The following GNB1L variants were observed in gnomAD, a reference collection of about 807,000 sequenced individuals.
The protein encoded by GNB1L is guanine nucleotide-binding protein subunit beta-like protein 1.
Under a neutral mutation model 29.1 loss-of-function variants are expected in GNB1L, and 20 were observed. The ratio of observed to expected loss-of-function variants is 0.69; its 90% CI spans 0.48 to 1.00. GNB1L has a LOEUF of 1.00. GNB1L is among the 50% of genes least tolerant of loss of function. The probability of loss-of-function intolerance (pLI) is 0.00; values close to 1 mark genes in which losing one functional copy is unlikely to be tolerated. For synonymous variants in GNB1L, 193 were observed against 206.5 expected (o/e 0.93, Z 0.56); for missense variants, 421 against 464.9 (o/e 0.91, Z 0.87).
intron 2 of GNB1L, among the ~76,000 whole-genome samples, chr22:19,838,067 G>A (rs981253608): frequency 2.6e-5 from 4 of 152,228 alleles, no homozygotes; most frequent in African/African-American, 7.2e-5. Flanking sequence ...CACAGACGCC[G>A]CACTTGTCAA....
At chr22:19,853,983 T>A (rs1601361431) in intron 2 of GNB1L, among the ~76,000 whole-genome samples, 1 of 152,140 alleles carries the variant, frequency 6.6e-6, no homozygotes, top group African/African-American at 2.4e-5. Flanking sequence ...TCCCCTACCC[T>A]GCCCACTCAC....
chr22:19,785,175 C>G lies in GNB1L; in HGVS notation c.*3534G>C, dbSNP rs935085919. 5 of 151,972 alleles carry G rather than the reference C, an allele frequency of 3.3e-5. No individual in the cohort carries two copies. Among genetic ancestry groups the G allele is most frequent in the African/African-American group, 9.7e-5 (4 of 41,332 alleles). The allele number at this position is 151,972 out of a possible 1,614,324, so 9.4% of individuals were successfully genotyped here. A position where few individuals can be genotyped will look rare whatever the true frequency, so the allele number is the denominator to read the frequency against. ...TTTGGGAGGCTAGAGGCGGGAGGAT[C>G]GATCGCTTGAGCCCAGGAGTTCGAA... On this transcript the variant is annotated 3_prime_UTR_variant, in exon 8 of 8. Transcript: ENST00000329517. The surrounding 1 kb of genome is among the most constrained non-coding windows in gnomAD (Gnocchi z 4.1).
At chr22:19,848,128 T>C in intron 2 of GNB1L, 1 of 984,468 alleles carries the variant, frequency 1.0e-6, no homozygotes, top group Non-Finnish European at 1.2e-6. Context: ...TTATCCTTAG[T>C]ACTTCCTATT....
At chr22:19,835,270 T>C (rs1173707062) in intron 2 of GNB1L, among the ~76,000 whole-genome samples, 1 of 151,660 alleles carries the variant, frequency 6.6e-6, no homozygotes, top group African/African-American at 2.4e-5. Flanking sequence ...TTGACATTTA[T>C]AGAACATGCC....
intron 7 of GNB1L, among the ~76,000 whole-genome samples, chr22:19,793,667 A>C (rs913229331): frequency 1.2e-4 from 18 of 152,238 alleles, no homozygotes; most frequent in African/African-American, 4.1e-4. Context: ...TCTTGAAAGC[A>C]GCCACGGAGC....
At chr22:19,823,731 GCA>G (rs1289177170) in intron 2 of GNB1L, among the ~76,000 whole-genome samples, 2 of 152,072 alleles carry the variant, frequency 1.3e-5, no homozygotes, top group Non-Finnish European at 2.9e-5. Context: ...TGCACATGGT[GCA>G]CACAGACACA....
chr22:19,840,564 C>T (rs1342871955), intron 2 of GNB1L, among the ~76,000 whole-genome samples: 1 of 152,132 alleles, frequency 6.6e-6, no homozygotes, highest in Non-Finnish European at 1.5e-5. Context: ...AATCCCAGCA[C>T]TTTGGGAGGT....
chr22:19,813,807 CA>C (rs1449804886), intron 4 of GNB1L, among the ~76,000 whole-genome samples: 2 of 152,108 alleles, frequency 1.3e-5, no homozygotes, highest in Admixed American at 6.5e-5. Flanking sequence ...TCAGCCTGGG[CA>C]AAATAGTGAG....
At chr22:19,851,093 G>A in intron 2 of GNB1L, 2 of 1,490,848 alleles carry the variant, frequency 1.3e-6, no homozygotes, top group Non-Finnish European at 1.8e-6. Flanking sequence ...TGCTCTGACT[G>A]GGGACTATGG....
Position 19,840,488 on chromosome 22 carries a change from T to C in GNB1L, c.-21+13955A>G, listed in dbSNP as rs142777705. Among the ~76,000 whole-genome samples the C allele has an allele frequency of 1.7e-3, 265 of 152,348 alleles. 2 individuals carry two copies. Among genetic ancestry groups the C allele is most frequent in the Non-Finnish European group, 3.5e-3 (241 of 68,022 alleles). ...CAGCATCAGCAGGGCTAGGTCATGC[T>C]GACCACACGTCCCACTGACATGATA... On this transcript the variant is annotated intron_variant, in intron 2 of 7. Transcript: ENST00000329517.
In GNB1L at chr22:19,820,605, G is replaced by T. The variant is rs1354744442; in HGVS notation, c.247C>A (p.Leu83Ile). 6.2e-7 allele frequency: 1 copy of T among 1,612,190 alleles called. No homozygotes were observed. Among genetic ancestry groups the T allele is most frequent in the African/African-American group, 1.3e-5 (1 of 74,902 alleles). Residue 83 changes from leucine (L) to isoleucine (I), a missense_variant, in exon 4 of 8, where the codon CTC (leucine) becomes ATC (isoleucine). Transcript: ENST00000329517. ...TGCACCTTGGAGACCCACCTGAGGA[G>T]CTGGCGCCCCTGGGGCAGCGTCTGC... ...WLQTLPQGRQ[L>I]LSQGRDLKLC...
chr22:19,833,845 G>A (rs377397632), intron 2 of GNB1L, among the ~76,000 whole-genome samples: 17 of 151,482 alleles, frequency 1.1e-4, no homozygotes, highest in Admixed American at 2.0e-4. Flanking sequence ...CAGCCGGGGC[G>A]ACAAAGTGAG....
At chr22:19,794,595 A>G (rs1255784663) in intron 7 of GNB1L, among the ~76,000 whole-genome samples, 1 of 152,234 alleles carries the variant, frequency 6.6e-6, no homozygotes, top group East Asian at 1.9e-4. Context: ...CAAGTAGAAA[A>G]TAAGTATAGA....
At position 19,786,718 on chromosome 22, in the gene GNB1L, G is replaced by A. The variant is rs1444354658; in HGVS notation, c.*1991C>T. ...TCCACCTACCCTGCCGCTGTCATGG[G>A]GATGTCAGAACCTGACACCTTCCCT... On this transcript the variant is annotated 3_prime_UTR_variant, in exon 8 of 8. Transcript: ENST00000329517. 6.6e-6 allele frequency: 1 copy of A among 152,198 alleles called. No homozygotes were observed. The highest frequency in any genetic ancestry group is 2.4e-5 in the African/African-American group (1 of 41,410). 9.4% of individuals were successfully genotyped at this position (152,198 alleles called of 1,614,324 possible).
intron 4 of GNB1L, among the ~76,000 whole-genome samples, chr22:19,818,365 G>C (rs1008005881): frequency 2.0e-5 from 3 of 152,234 alleles, no homozygotes; most frequent in African/African-American, 7.2e-5. Flanking sequence ...ACATGGCCTG[G>C]TGGGGTTCTA....
rs1937206213 is a variant in GNB1L, at chr22:19,787,985, A to G, written c.*724T>C. 6.5e-6 allele frequency: 1 copy of G among 154,054 alleles called. No homozygotes were observed. Among genetic ancestry groups the G allele is most frequent in the South Asian group, 2.0e-4 (1 of 4,900 alleles). The allele number at this position is 154,054 out of a possible 1,614,324, so 9.5% of individuals were successfully genotyped here. On this transcript the variant is annotated 3_prime_UTR_variant, in exon 8 of 8. Coordinates refer to ENST00000329517, the MANE Select transcript of GNB1L (RefSeq NM_053004.3). ...CTTGCTGCTCTCGTGCCTTCTGCCCAGCACTCACCTGGAGGTGCACCCTGT... is the reference window on the plus strand; with the variant it reads ...CTTGCTGCTCTCGTGCCTTCTGCCCGGCACTCACCTGGAGGTGCACCCTGT...
At chr22:19,843,234 CG>C (rs1937892032) in intron 2 of GNB1L, among the ~76,000 whole-genome samples, 1 of 152,254 alleles carries the variant, frequency 6.6e-6, no homozygotes, top group Non-Finnish European at 1.5e-5. Context: ...GCCTCCCATT[CG>C]GTTATTAAAT....
At chr22:19,851,056 G>A in intron 2 of GNB1L, 1 of 1,458,750 alleles carries the variant, frequency 6.9e-7, no homozygotes, top group Non-Finnish European at 9.0e-7. Context: ...CAGCTATGGG[G>A]TCTGAAGTCA....
At chr22:19,819,961 T>G (rs1042585525) in intron 4 of GNB1L, among the ~76,000 whole-genome samples, 1 of 152,158 alleles carries the variant, frequency 6.6e-6, no homozygotes, top group African/African-American at 2.4e-5. Flanking sequence ...GCCAGCCACA[T>G]AGCCGTATGT....
Sources: gnomAD v4.1 joint callset for allele counts (sites outside exome capture counted in the v4.1 genomes callset) on GRCh38, gnomAD v4.1.1 for gene constraint, Gnocchi (gnomAD v3.1) non-coding constraint, MANE v1.5 for transcripts, NCBI Gene and HGNC (gene_info 2026-07-23, HGNC 2026-07-21) for gene names.